The following ZBTB10 variants were observed in gnomAD, a reference collection of about 807,000 sequenced individuals.
The protein encoded by ZBTB10 is zinc finger and BTB domain-containing protein 10.
Under a neutral mutation model 76.4 loss-of-function variants are expected in ZBTB10, and 32 were observed. The ratio of observed to expected loss-of-function variants is 0.42; its 90% confidence interval spans 0.32 to 0.56. ZBTB10 has a LOEUF of 0.56. Among genes scored for constraint, ZBTB10 ranks in the 20% least tolerant of loss-of-function variants. ZBTB10 has a pLI of 0.14. For missense variants in ZBTB10, 1,057 were observed against 1,098.5 expected (o/e 0.96, Z 0.53); for synonymous variants, 523 against 432.9 (o/e 1.21, Z -2.58).
At chr8:80,493,203 GCGCGCACACACACACACACACA>G (rs1815683195) in intron 1 of ZBTB10, among the ~76,000 whole-genome samples, 3 of 107,772 alleles carry the variant, frequency 2.8e-5, no homozygotes, top group African/African-American at 1.1e-4. Context: ...ACGCGCGCGC[GCGCGCACACACACACACACACA>G]CACACACACA....
In ZBTB10 at chr8:80,518,900, T is replaced by C. The variant is rs746777681; in HGVS notation, c.2256T>C (p.Cys752=). The C allele has an allele frequency of 1.9e-6, 3 of 1,609,404 alleles. No homozygotes were observed. In the South Asian group the frequency reaches 3.3e-5, roughly 18 times the overall value. Residue 752 remains cysteine, a synonymous_variant, in exon 5 of 6, where the codon TGT becomes TGC. Transcript: ENST00000455036. ...ACACAGGAGTGAGATCATTTAGCTG[T>C]GATATTTGTGGAAAACTGTTTACTC... is the stretch of plus-strand genomic sequence containing the variant. ...LIHTGVRSFS[C]DICGKLFTRR...
chr8:80,493,203 GCGCGCACACA>G (rs1355599412), intron 1 of ZBTB10, among the ~76,000 whole-genome samples: 50 of 107,826 alleles, frequency 4.6e-4, no homozygotes, highest in Middle Eastern at 9.6e-3. Flanking sequence ...ACGCGCGCGC[GCGCGCACACA>G]CACACACACA....
chr8:80,516,452 A>G (rs1438085274), intron 3 of ZBTB10, among the ~76,000 whole-genome samples: 1 of 152,372 alleles, frequency 6.6e-6, no homozygotes, highest in African/African-American at 2.4e-5. Flanking sequence ...GACAAGAAAT[A>G]TGGATCATAA....
chr8:80,485,938 C>A (rs999583366), upstream of ZBTB10: 7 of 1,505,230 alleles, frequency 4.7e-6, no homozygotes, highest in African/African-American at 8.3e-5. Context: ...AGCTGTTTGT[C>A]CTCCGCGTAG....
At chr8:80,513,330 G>A (rs1048034462) in intron 2 of ZBTB10, among the ~76,000 whole-genome samples, 1 of 151,916 alleles carries the variant, frequency 6.6e-6, no homozygotes, top group Non-Finnish European at 1.5e-5. Context: ...TTTTGTAGAG[G>A]TGTGGTTTTT....
At chr8:80,512,418 A>G (rs752707564) in intron 2 of ZBTB10, among the ~76,000 whole-genome samples, 9 of 152,238 alleles carry the variant, frequency 5.9e-5, no homozygotes, top group Admixed American at 3.9e-4. Flanking sequence ...GTATTCACAT[A>G]TGTAATTTTC....
intron 2 of ZBTB10, among the ~76,000 whole-genome samples, chr8:80,510,520 A>T (rs1172728136): frequency 6.6e-6 from 1 of 152,140 alleles, no homozygotes. Context: ...GAGAAAAGAC[A>T]TTTTTTTAAA....
At chr8:80,517,330 TTGTGGAAGATTC>T (rs1475774364) in intron 3 of ZBTB10, among the ~76,000 whole-genome samples, 1 of 152,178 alleles carries the variant, frequency 6.6e-6, no homozygotes, top group Non-Finnish European at 1.5e-5. Flanking sequence ...GTGGCAATAG[TTGTGGAAGATTC>T]TGGATATATA....
Position 80,487,728 on chromosome 8 carries a change from C to G in ZBTB10, c.918C>G (p.Leu306=). 2 of 1,613,114 alleles carry G rather than the reference C, an allele frequency of 1.2e-6. No individual in the cohort carries two copies. The highest frequency in any genetic ancestry group is 8.5e-7 in the Non-Finnish European group (1 of 1,179,516). Residue 306 remains leucine (L), a synonymous_variant, in exon 1 of 6, where the codon CTC becomes CTG. Transcript: ENST00000455036. ...SRGTRNYKKT[L]LLRHHVSTEH... is the part of the protein sequence containing the mutation. ...GGACCCGCAACTACAAGAAAACCCTCCTCCTGAGGCACCACGTCTCTACCG... is the reference window on the plus strand; with the variant it reads ...GGACCCGCAACTACAAGAAAACCCTGCTCCTGAGGCACCACGTCTCTACCG...
At chr8:80,510,062 AAG>A (rs1816150960) in intron 2 of ZBTB10, among the ~76,000 whole-genome samples, 2 of 152,212 alleles carry the variant, frequency 1.3e-5, no homozygotes, top group African/African-American at 4.8e-5. Flanking sequence ...AGTAGACAAA[AAG>A]TATTACTGTA....
At chr8:80,517,646 T>G (rs1816356261) in intron 3 of ZBTB10, among the ~76,000 whole-genome samples, 1 of 152,100 alleles carries the variant, frequency 6.6e-6, no homozygotes, top group East Asian at 1.9e-4. Flanking sequence ...TCTATTTTTC[T>G]GTACCAATTA....
rs1816497070 is a variant in ZBTB10, at chr8:80,523,815, A to G, written c.*4287A>G. ...TTGAGGAGAGATGGTTGAGGCCATT[A>G]TTTAGTGGGAGCATTGGCATTTTGA... On this transcript the variant is annotated 3_prime_UTR_variant, in exon 6 of 6. Coordinates refer to ENST00000455036, the MANE Select transcript of ZBTB10 (RefSeq NM_001105539.3). 1 of 152,022 alleles carries G rather than the reference A, an allele frequency of 6.6e-6. No homozygotes were observed. The highest frequency in any genetic ancestry group is 2.1e-4 in the South Asian group (1 of 4,832). The allele number at this position is 152,022 out of a possible 1,614,324, so 9.4% of individuals were successfully genotyped here.
In ZBTB10 at chr8:80,500,068, T is replaced by C; in HGVS notation, c.1547T>C (p.Ile516Thr). Residue 516 changes from isoleucine (I) to threonine (T), a missense_variant, in exon 2 of 6, where the codon ATT (isoleucine) becomes ACT (threonine). Physicochemically the swap from Ile to Thr is moderately conservative, Grantham distance 89 (BLOSUM62 -1). Around this residue, in one of 5 missense-constraint regions of ZBTB10, gnomAD observed 306 missense variants for 297.5 expected, o/e 1.03. Transcript: ENST00000455036. ...ACCAATTTGGCAAGTAATGTAAAGA[T>C]TGAAAATGATGGTTGTAATGTCGAC... ...NLTNLASNVK[I>T]ENDGCNVDEG... 3 of 1,613,914 alleles carry C rather than the reference T, an allele frequency of 1.9e-6. No individual in the cohort carries two copies. The highest frequency in any genetic ancestry group is 2.5e-6 in the Non-Finnish European group (3 of 1,179,870).
intron 2 of ZBTB10, among the ~76,000 whole-genome samples, chr8:80,500,987 C>G (rs982593343): frequency 1.7e-4 from 26 of 152,302 alleles, no homozygotes; most frequent in African/African-American, 6.0e-4. Context: ...CTGCCTCAGC[C>G]TCCTGAGTAG....
chr8:80,513,452 A>T (rs922884973), intron 2 of ZBTB10, among the ~76,000 whole-genome samples: 4 of 152,224 alleles, frequency 2.6e-5, no homozygotes, highest in Non-Finnish European at 4.4e-5. Flanking sequence ...TAAGCAGTCT[A>T]GCTTTAATTG....
At chr8:80,491,773 G>C (rs7817124) in intron 1 of ZBTB10, among the ~76,000 whole-genome samples, 57,832 of 152,108 alleles carry the variant, frequency 0.38, 14,404 homozygotes, top group African/African-American at 0.72. Context: ...GTGATTACCA[G>C]TTATTCTTGG....
upstream of ZBTB10, chr8:80,485,693 C>T: frequency 4.9e-6 from 6 of 1,223,766 alleles, no homozygotes; most frequent in South Asian, 8.6e-5. Flanking sequence ...GTGGTCGTAA[C>T]CTCTTCGCGT....
At chr8:80,496,036 T>A (rs1402622996) in intron 1 of ZBTB10, among the ~76,000 whole-genome samples, 1 of 152,222 alleles carries the variant, frequency 6.6e-6, no homozygotes, top group East Asian at 1.9e-4. Context: ...TCACTACATT[T>A]GAAAAGACCA....
At position 80,518,823 on chromosome 8, in the gene ZBTB10, T is replaced by G. The variant is rs1213283588; in HGVS notation, c.2179T>G (p.Cys727Gly). The G allele has an allele frequency of 6.2e-7, 1 of 1,612,798 alleles. No individual in the cohort carries two copies. Among genetic ancestry groups the G allele is most frequent in the Non-Finnish European group, 8.5e-7 (1 of 1,179,410 alleles). Residue 727 changes from cysteine to glycine, a missense_variant, in exon 5 of 6, where the codon TGT (cysteine) becomes GGT (glycine). Transcript: ENST00000455036. ...CATGAACAAGTTAAAATGCCCTCAT[T>G]GTAGCTATGTAGCCAAATACAGACG... ...LIMNKLKCPH[C>G]SYVAKYRRTL... is the part of the protein sequence containing the mutation.
Sources: gnomAD v4.1 joint callset for allele counts (sites outside exome capture counted in the v4.1 genomes callset) on GRCh38, gnomAD v4.1.1 for gene constraint, gnomAD v4.1.1 regional missense constraint, MANE v1.5 for transcripts, NCBI Gene and HGNC (gene_info 2026-07-23, HGNC 2026-07-21) for gene names.